Variants in TMEM156 observed in about 807,000 individuals in gnomAD.
TMEM156 encodes transmembrane protein 156.
Under a neutral mutation model 30.5 loss-of-function variants are expected in TMEM156, and 28 were observed. That is an observed-to-expected ratio of 0.92 (90% CI 0.68 to 1.26). The LOEUF (loss-of-function observed/expected upper bound fraction) is 1.26. Ranked by LOEUF, TMEM156 falls within the 50% of genes most tolerant of loss-of-function variation. TMEM156 has a pLI of 0.00. For synonymous variants in TMEM156, 137 were observed against 119.9 expected (o/e 1.14, Z -0.93); for missense variants, 351 against 340.6 (o/e 1.03, Z -0.24).
chr4:38,972,550 CT>C (rs1407269737), intron 5 of TMEM156, among the ~76,000 whole-genome samples: 1 of 151,390 alleles, frequency 6.6e-6, no homozygotes, highest in Non-Finnish European at 1.5e-5. Context: ...CATTCCCTGC[CT>C]CTTTCTTTCT....
In TMEM156 at chr4:38,990,830, G is replaced by GTTTCTTTTTTT. The variant is rs1553878600; in HGVS notation, c.620-1861_620-1860insAAAAAAAGAAA. ...CTTTGTTTTTTTGGTTTGTTTTCTG[G>GTTTCTTTTTTT]TTTTTTTTTTTTTTTTTTTTTTTGA... On this transcript the variant is annotated intron_variant, in intron 3 of 6. Transcript: ENST00000381938. 8.6e-5 allele frequency among the ~76,000 whole-genome samples: 7 copies of GTTTCTTTTTTT among 81,216 alleles called. 1 individual carries two copies. The highest frequency in any genetic ancestry group is 2.8e-4 in the African/African-American group (6 of 21,628). The allele number at this position is 81,216 out of a possible 152,430, so 53.3% of individuals were successfully genotyped here.
chr4:38,992,762 A>T (rs184729382), intron 3 of TMEM156, among the ~76,000 whole-genome samples: 19,019 of 95,252 alleles, frequency 0.2, 1,821 homozygotes, highest in African/African-American at 0.32. Context: ...ATATATATAT[A>T]TTTTTTTTTG....
At chr4:39,021,625 C>T (rs1005115468) in intron 1 of TMEM156, among the ~76,000 whole-genome samples, 1 of 152,114 alleles carries the variant, frequency 6.6e-6, no homozygotes, top group African/African-American at 2.4e-5. Flanking sequence ...CTTTGCTATG[C>T]AGAAGATTTT....
intron 6 of TMEM156, among the ~76,000 whole-genome samples, chr4:38,967,909 G>A (rs1722421030): frequency 6.6e-6 from 1 of 152,216 alleles, no homozygotes; most frequent in Admixed American, 6.5e-5. Flanking sequence ...CCAGTAGTGG[G>A]ATTGCTAAAT....
chr4:38,981,526 C>T (rs1711542621), intron 5 of TMEM156, among the ~76,000 whole-genome samples: 2 of 152,152 alleles, frequency 1.3e-5, no homozygotes, highest in Non-Finnish European at 2.9e-5. Flanking sequence ...AGCAGGAAGG[C>T]TTTTGATCTG....
chr4:38,998,884 C>T lies in TMEM156; in HGVS notation c.114G>A (p.Leu38=), dbSNP rs758892519. The change falls in exon 2 of 7, where the codon CTG becomes CTA. Residue 38 remains leucine (L), a synonymous_variant. Transcript: ENST00000381938. ...PKERTLELSC[L]EVCLQSNFTY... Reference sequence around the variant, plus strand: ...TAAAATTAGATTGCAAACACACTTCCAGACATGATAGCTCCAATGTTCTTT... The same window carrying T: ...TAAAATTAGATTGCAAACACACTTCTAGACATGATAGCTCCAATGTTCTTT... 2 of 1,613,234 alleles carry T rather than the reference C, an allele frequency of 1.2e-6. No homozygotes were observed. Among genetic ancestry groups the T allele is most frequent in the African/African-American group, 2.7e-5 (2 of 74,820 alleles).
chr4:38,997,208 T>C (rs955370137), intron 2 of TMEM156, among the ~76,000 whole-genome samples: 2 of 152,218 alleles, frequency 1.3e-5, no homozygotes, highest in Non-Finnish European at 2.9e-5. Context: ...ATTTGCTTTC[T>C]GTTGCATTCA....
intron 5 of TMEM156, among the ~76,000 whole-genome samples, chr4:38,982,975 C>T (rs1711695629): frequency 6.6e-6 from 1 of 152,186 alleles, no homozygotes; most frequent in Non-Finnish European, 1.5e-5. Flanking sequence ...CTCCCTGCTT[C>T]CTGGCACCTG....
chr4:38,976,999 A>G (rs1438733494), intron 5 of TMEM156, among the ~76,000 whole-genome samples: 1 of 152,108 alleles, frequency 6.6e-6, no homozygotes, highest in Non-Finnish European at 1.5e-5. Flanking sequence ...TCCACCTCCC[A>G]AGTTCAAGCA....
intron 1 of TMEM156, among the ~76,000 whole-genome samples, chr4:39,011,670 A>T (rs757925696): frequency 6.6e-6 from 1 of 152,132 alleles, no homozygotes; most frequent in Non-Finnish European, 1.5e-5. Context: ...GCTACCCGGG[A>T]GGCTGAGGCA....
At position 38,986,444 on chromosome 4, in the gene TMEM156, A is replaced by T. The variant is rs1472087853; in HGVS notation, c.740-25T>A. 8 of 1,524,290 alleles carry T rather than the reference A, an allele frequency of 5.2e-6. No individual in the cohort carries two copies. In the African/African-American group the frequency reaches 1.1e-4, roughly 21 times the overall value. The allele number at this position is 1,524,290 out of a possible 1,614,324, so 94.4% of individuals were successfully genotyped here. A position where few individuals can be genotyped will look rare whatever the true frequency, so the allele number is the denominator to read the frequency against. On this transcript the variant is annotated intron_variant, in intron 4 of 6. Coordinates refer to ENST00000381938, the MANE Select transcript of TMEM156 (RefSeq NM_024943.3). Reference sequence around the variant, plus strand: ...CCTATTCCCAGAAAAGAAATGAAGTATTTAGATGATAAACAAGCGCATTGT... The same window carrying T: ...CCTATTCCCAGAAAAGAAATGAAGTTTTTAGATGATAAACAAGCGCATTGT...
chr4:38,978,085 T>C (rs1722966039), intron 5 of TMEM156, among the ~76,000 whole-genome samples: 1 of 152,226 alleles, frequency 6.6e-6, no homozygotes, highest in Admixed American at 6.5e-5. Flanking sequence ...ATGATTTTCA[T>C]GTCAAAGACA....
At chr4:38,996,906 TG>T (rs1169180428) in intron 2 of TMEM156, among the ~76,000 whole-genome samples, 2 of 152,172 alleles carry the variant, frequency 1.3e-5, no homozygotes, top group Non-Finnish European at 2.9e-5. Flanking sequence ...GATAGGTATC[TG>T]GAGAGATGGA....
chr4:38,973,083 T>C (rs1722686821), intron 5 of TMEM156, among the ~76,000 whole-genome samples: 1 of 152,206 alleles, frequency 6.6e-6, no homozygotes, highest in Non-Finnish European at 1.5e-5. Flanking sequence ...GTCACCCTAA[T>C]GTGAGTGTGA....
At chr4:38,996,004 A>C (rs1374470220) in intron 2 of TMEM156, among the ~76,000 whole-genome samples, 1 of 152,196 alleles carries the variant, frequency 6.6e-6, no homozygotes, top group African/African-American at 2.4e-5. Flanking sequence ...ACAGAATGAG[A>C]GAAAATATTT....
At chr4:39,008,768 G>T (rs902755119) in intron 1 of TMEM156, among the ~76,000 whole-genome samples, 10 of 152,110 alleles carry the variant, frequency 6.6e-5, no homozygotes, top group Non-Finnish European at 1.5e-4. Flanking sequence ...CAAAAGCAGT[G>T]TTAAAAGAAA....
intron 6 of TMEM156, among the ~76,000 whole-genome samples, chr4:38,970,417 A>T (rs1333377691): frequency 2.6e-5 from 4 of 152,158 alleles, no homozygotes; most frequent in African/African-American, 4.8e-5. Flanking sequence ...AGTAAATGAT[A>T]TAACCAATTA....
chr4:39,012,065 A>C (rs1714161039), intron 1 of TMEM156, among the ~76,000 whole-genome samples: 1 of 152,210 alleles, frequency 6.6e-6, no homozygotes, highest in African/African-American at 2.4e-5. Flanking sequence ...CCTATTGGGT[A>C]ATATGTTCAC....
intron 5 of TMEM156, among the ~76,000 whole-genome samples, chr4:38,976,289 C>CAGAAAAAAAAAAAAAAAAAAAAAA (rs1722846625): frequency 1.3e-5 from 1 of 74,322 alleles, no homozygotes. Flanking sequence ...GACTCCGTCT[C>CAGAAAAAAAAAAAAAAAAAAAAAA]AAAAAAAAAA....
Sources: allele counts gnomAD v4.1 joint callset (sites outside exome capture counted in the v4.1 genomes callset), GRCh38; gene constraint gnomAD v4.1.1; transcripts MANE v1.5; gene names NCBI Gene and HGNC (gene_info 2026-07-23, HGNC 2026-07-21).